CNTN5: variants seen among roughly 807,000 people sequenced by gnomAD.
The protein encoded by CNTN5 is contactin 5.
In CNTN5, 77 loss-of-function variants were observed where a neutral mutation model predicts 129.1. The observed-to-expected ratio is 0.60, with a 90% CI of 0.50 to 0.72. CNTN5 has a LOEUF of 0.72. Ranked by LOEUF, CNTN5 falls within the 30% of genes least tolerant of loss-of-function variation. The pLI is 0.00. For missense variants in CNTN5, 1,478 were observed against 1,328.8 expected (o/e 1.11, Z -1.75); for synonymous variants, 509 against 465.6 (o/e 1.09, Z -1.20).
chr11:99,691,925 C>T (rs986548450), intron 3 of CNTN5, among the ~76,000 whole-genome samples: 1 of 151,992 alleles, frequency 6.6e-6, no homozygotes, highest in Admixed American at 6.6e-5. Context: ...AATCTGGGTG[C>T]TCCTGTATTG....
chr11:99,864,503 A>G (rs138461174), intron 6 of CNTN5, among the ~76,000 whole-genome samples: 1,566 of 152,186 alleles, frequency 0.01, 15 homozygotes, highest in Non-Finnish European at 0.015. Context: ...TTGCTATAGC[A>G]CTGTAGTCTT....
At chr11:100,275,947 C>T (rs892636294) in intron 18 of CNTN5, among the ~76,000 whole-genome samples, 9 of 152,180 alleles carry the variant, frequency 5.9e-5, no homozygotes, top group African/African-American at 2.2e-4. Flanking sequence ...GACATCCTCT[C>T]AAATGATGCA....
chr11:99,050,139 T>C (rs1310185255), intron 1 of CNTN5, among the ~76,000 whole-genome samples: 1 of 152,114 alleles, frequency 6.6e-6, no homozygotes, highest in African/African-American at 2.4e-5. Context: ...TTTCAGACTG[T>C]GATTACTTCC....
At chr11:99,276,857 T>C (rs947273504) in intron 1 of CNTN5, among the ~76,000 whole-genome samples, 2 of 151,750 alleles carry the variant, frequency 1.3e-5, no homozygotes, top group Non-Finnish European at 1.5e-5. Flanking sequence ...TAAGTATTTC[T>C]AATTTTCTCC....
intron 2 of CNTN5, among the ~76,000 whole-genome samples, chr11:99,424,446 A>G (rs1312088971): frequency 6.6e-6 from 1 of 152,220 alleles, no homozygotes; most frequent in African/African-American, 2.4e-5. Flanking sequence ...AGGGTGAGCC[A>G]GGTGTGGAGC....
chr11:99,490,349 A>G (rs1403897715), intron 2 of CNTN5, among the ~76,000 whole-genome samples: 2 of 152,216 alleles, frequency 1.3e-5, no homozygotes, highest in Non-Finnish European at 2.9e-5. Context: ...TTTATTACAT[A>G]AATTCATTAT....
intron 13 of CNTN5, among the ~76,000 whole-genome samples, chr11:100,093,726 T>A (rs1449666677): frequency 6.6e-6 from 1 of 152,138 alleles, no homozygotes; most frequent in Admixed American, 6.6e-5. Context: ...TCAACAGCTT[T>A]TGCCAAAGTG....
At chr11:100,101,491 TC>T (rs1185535381) in intron 13 of CNTN5, among the ~76,000 whole-genome samples, 5 of 152,154 alleles carry the variant, frequency 3.3e-5, no homozygotes, top group African/African-American at 1.2e-4. Context: ...GCTTATTGCA[TC>T]CCTTTAGATT....
At chr11:99,248,314 T>G (rs1391255917) in intron 1 of CNTN5, among the ~76,000 whole-genome samples, 1 of 152,118 alleles carries the variant, frequency 6.6e-6, no homozygotes, top group Non-Finnish European at 1.5e-5. Context: ...GGGTTGTTTG[T>G]TTTTTTCTTG....
chr11:100,066,299 A>G (rs1020655786), intron 10 of CNTN5, among the ~76,000 whole-genome samples: 4 of 152,096 alleles, frequency 2.6e-5, no homozygotes, highest in South Asian at 4.1e-4. Flanking sequence ...AATCTCTCCA[A>G]TATAACACAT....
intron 17 of CNTN5, among the ~76,000 whole-genome samples, chr11:100,267,300 G>T (rs1716701034): frequency 1.3e-5 from 2 of 151,384 alleles, no homozygotes; most frequent in South Asian, 4.2e-4. Flanking sequence ...GAGAAAGAGA[G>T]AGTGAGCAAG....
rs1396719279 is a variant in CNTN5, at chr11:99,844,934, ATTGAATTGTGAAGTTCG to A, written c.362_378del (p.Leu121TrpfsTer21). The A allele has an allele frequency of 6.2e-7, 1 of 1,613,752 alleles. No homozygotes were observed. Among genetic ancestry groups the A allele is most frequent in the Non-Finnish European group, 8.5e-7 (1 of 1,179,828 alleles). On this transcript the variant is annotated frameshift_variant, in exon 5 of 25. Coordinates refer to ENST00000524871, the MANE Select transcript of CNTN5 (RefSeq NM_014361.4). LOFTEE classifies it high-confidence loss of function. ...CTGATTCTGATGAAAAGAAGGTAGC[ATTGAATTGTGAAGTTCG>A]TGGCAATCCAGTTCCCAGTTACAGG...
chr11:99,342,547 C>A (rs2136059141), intron 2 of CNTN5, among the ~76,000 whole-genome samples: 1 of 109,410 alleles, frequency 9.1e-6, no homozygotes, highest in African/African-American at 3.6e-5. Flanking sequence ...TCAGCCAGGG[C>A]AACATGGCGA....
chr11:99,887,005 A>G (rs192194835), intron 6 of CNTN5, among the ~76,000 whole-genome samples: 1 of 152,324 alleles, frequency 6.6e-6, no homozygotes, highest in East Asian at 1.9e-4. Context: ...TATACTAGTC[A>G]GGTTCTGTTT....
At chr11:99,910,467 T>A (rs1466194308) in intron 6 of CNTN5, among the ~76,000 whole-genome samples, 1 of 152,154 alleles carries the variant, frequency 6.6e-6, no homozygotes, top group African/African-American at 2.4e-5. Flanking sequence ...GCTTTTTCTA[T>A]TCTTCCTCAG....
At chr11:100,223,320 A>C (rs1340254925) in intron 15 of CNTN5, among the ~76,000 whole-genome samples, 1 of 152,190 alleles carries the variant, frequency 6.6e-6, no homozygotes, top group African/African-American at 2.4e-5. Context: ...AAAAAGCAAA[A>C]CACAACAGAA....
Position 99,565,091 on chromosome 11 carries a change from T to G in CNTN5, c.55+8822T>G, listed in dbSNP as rs1407271008. Reference sequence around the variant, plus strand: ...TTGTGAAATATAAATTGTTCTTTATTCATGTGTTTGGGCTTAAAGAACAAT... The same window carrying G: ...TTGTGAAATATAAATTGTTCTTTATGCATGTGTTTGGGCTTAAAGAACAAT... On this transcript the variant is annotated intron_variant, in intron 3 of 24. Transcript: ENST00000524871. Among the ~76,000 whole-genome samples, 4 of 152,220 alleles carry G rather than the reference T, an allele frequency of 2.6e-5. No homozygotes were observed. In the East Asian group the frequency reaches 7.7e-4, roughly 29 times the overall value.
chr11:99,942,585 G>A (rs555183024), intron 7 of CNTN5, among the ~76,000 whole-genome samples: 1 of 152,098 alleles, frequency 6.6e-6, no homozygotes, highest in Admixed American at 6.6e-5. Flanking sequence ...CATAGGTAAT[G>A]TGCCATGGTG....
chr11:100,085,139 A>C (rs1012486414), intron 13 of CNTN5, among the ~76,000 whole-genome samples: 1 of 152,040 alleles, frequency 6.6e-6, no homozygotes, highest in Non-Finnish European at 1.5e-5. Flanking sequence ...GTAACCAGTG[A>C]GAAATTCTGT....
Sources: allele counts gnomAD v4.1 joint callset (sites outside exome capture counted in the v4.1 genomes callset), GRCh38; gene constraint gnomAD v4.1.1; transcripts MANE v1.5; gene names NCBI Gene and HGNC (gene_info 2026-07-23, HGNC 2026-07-21).